MCF2L2: variants seen among roughly 807,000 people sequenced by gnomAD.
The protein encoded by MCF2L2 is MCF.2 cell line derived transforming sequence-like 2.
In MCF2L2, 102 loss-of-function variants were observed where a neutral mutation model predicts 150.2. The ratio of observed to expected loss-of-function variants is 0.68; its 90% CI spans 0.58 to 0.80. MCF2L2 has a LOEUF of 0.80. Ranked by LOEUF, MCF2L2 falls within the 30% of genes least tolerant of loss-of-function variation. The probability of loss-of-function intolerance (pLI) is 0.00; values close to 1 mark genes in which losing one functional copy is unlikely to be tolerated. For missense variants in MCF2L2, 1,256 were observed against 1,372.8 expected (o/e 0.91, Z 1.34); for synonymous variants, 465 against 491.3 (o/e 0.95, Z 0.71).
chr3:183,390,454 C>T (rs1435109587), intron 1 of MCF2L2, among the ~76,000 whole-genome samples: 1 of 152,126 alleles, frequency 6.6e-6, no homozygotes, highest in Admixed American at 6.5e-5. Flanking sequence ...GTTCCTCTAA[C>T]CCTAGAAAGT....
intron 4 of MCF2L2, among the ~76,000 whole-genome samples, chr3:183,339,849 A>G (rs1331752076): frequency 2.6e-5 from 4 of 152,156 alleles, no homozygotes; most frequent in Non-Finnish European, 5.9e-5. Flanking sequence ...ATTTTCAACG[A>G]GCACCTGAAG....
chr3:183,424,817 G>C (rs1313580920), intron 1 of MCF2L2, among the ~76,000 whole-genome samples: 2 of 152,182 alleles, frequency 1.3e-5, no homozygotes, highest in Middle Eastern at 3.2e-3. Flanking sequence ...TATTCCAGGT[G>C]GGGGGTAAAA....
At chr3:183,368,862 A>G (rs1712693794) in intron 3 of MCF2L2, among the ~76,000 whole-genome samples, 1 of 152,222 alleles carries the variant, frequency 6.6e-6, no homozygotes. Context: ...CTGAATGTAC[A>G]TCATTACTAA....
At chr3:183,248,252 G>C (rs1159914648) in intron 15 of MCF2L2, among the ~76,000 whole-genome samples, 1 of 151,862 alleles carries the variant, frequency 6.6e-6, no homozygotes, top group Non-Finnish European at 1.5e-5. Flanking sequence ...TACAACTTTG[G>C]ACCATCTGAC....
chr3:183,393,153 G>C (rs1714256260), intron 1 of MCF2L2, among the ~76,000 whole-genome samples: 1 of 150,506 alleles, frequency 6.6e-6, no homozygotes, highest in Admixed American at 6.6e-5. Flanking sequence ...CTGCTTCTTT[G>C]CCATTTTTGG....
intron 14 of MCF2L2, among the ~76,000 whole-genome samples, chr3:183,282,897 G>A (rs1273681181): frequency 6.6e-6 from 1 of 152,114 alleles, no homozygotes; most frequent in Non-Finnish European, 1.5e-5. Flanking sequence ...CAGCCTCTGG[G>A]GCAGCATTAG....
intron 5 of MCF2L2, among the ~76,000 whole-genome samples, chr3:183,326,525 A>T (rs997124695): frequency 1.3e-5 from 2 of 150,752 alleles, no homozygotes; most frequent in Non-Finnish European, 3.0e-5. Context: ...AACAAAAAAA[A>T]ACCCACAAAC....
rs112807324 is a variant in MCF2L2, at chr3:183,387,264, C to CAA, written c.160+2430_160+2431dup. Among the ~76,000 whole-genome samples the CAA allele has an allele frequency of 5.3e-4, 45 of 84,390 alleles. No individual in the cohort carries two copies. The South Asian group carries it at 0.018, about 33-fold the overall frequency. 55.4% of individuals were successfully genotyped at this position (84,390 alleles called of 152,430 possible). On this transcript the variant is annotated intron_variant, in intron 2 of 29. Transcript: ENST00000328913. ...TGGGCAACATAGCGACACCATGTCT[C>CAA]AAAAAAAAAAAAAAAGCAAAGAAAA...
At chr3:183,417,476 T>TAAA (rs3050283) in intron 1 of MCF2L2, among the ~76,000 whole-genome samples, 15,353 of 152,256 alleles carry the variant, frequency 0.1, 837 homozygotes, top group African/African-American at 0.15. Flanking sequence ...GTTAAAAGAA[T>TAAA]GAAGAAATAT....
rs184379521 is a variant in MCF2L2 at position 183,305,519 on chromosome 3, A to G, written c.1113+4197T>C. 7.0e-4 allele frequency among the ~76,000 whole-genome samples: 107 copies of G among 152,306 alleles called. 1 individual carries two copies. Among genetic ancestry groups the G allele is most frequent in the African/African-American group, 2.5e-3 (105 of 41,562 alleles). On this transcript the variant is annotated intron_variant, in intron 10 of 29. Transcript: ENST00000328913. This position sits in a 1 kb window ranked among gnomAD's most constrained non-coding sequence, Gnocchi z 4.1. ...GAGATGTTAGAGGGAAGATGTGTGTAACAGGTCCAAATGGGTCTAGGGAGA... is the reference window on the plus strand; with the variant it reads ...GAGATGTTAGAGGGAAGATGTGTGTGACAGGTCCAAATGGGTCTAGGGAGA...
At chr3:183,352,249 G>A (rs142282164) in intron 3 of MCF2L2, among the ~76,000 whole-genome samples, 211 of 152,182 alleles carry the variant, frequency 1.4e-3, no homozygotes, top group African/African-American at 4.7e-3. Context: ...GAAGCCGGGC[G>A]TGGTGGCTCA....
chr3:183,417,875 G>C (rs182600451), intron 1 of MCF2L2, among the ~76,000 whole-genome samples: 3 of 152,294 alleles, frequency 2.0e-5, no homozygotes, highest in Admixed American at 2.0e-4. Flanking sequence ...AAGGGAGAGA[G>C]AGGGTGCAGT....
chr3:183,318,791 TGCAATA>T (rs138671598), intron 6 of MCF2L2, among the ~76,000 whole-genome samples: 21,545 of 152,174 alleles, frequency 0.14, 1,671 homozygotes, highest in African/African-American at 0.2. Context: ...CTATTAAGTG[TGCAATA>T]GCATTATGTC....
intron 5 of MCF2L2, among the ~76,000 whole-genome samples, chr3:183,333,650 T>C (rs1315768567): frequency 6.6e-6 from 1 of 152,226 alleles, no homozygotes; most frequent in Non-Finnish European, 1.5e-5. Flanking sequence ...CACTTAAATA[T>C]ACATCTTACA....
chr3:183,179,549 C>A lies in MCF2L2; in HGVS notation c.3221+28G>T. 6.2e-7 allele frequency: 1 copy of A among 1,613,078 alleles called. No homozygotes were observed. The highest frequency in any genetic ancestry group is 1.1e-5 in the South Asian group (1 of 90,998). ...TCAGAGACGCCGTGGCCCAAAGAGG[C>A]GCTTAGTCTTTCCTCGCTCACACTC... On this transcript the variant is annotated intron_variant, in intron 29 of 29. Coordinates refer to ENST00000328913, the MANE Select transcript of MCF2L2 (RefSeq NM_015078.4). This position sits in a 1 kb window ranked among gnomAD's most constrained non-coding sequence, Gnocchi z 4.2.
intron 6 of MCF2L2, among the ~76,000 whole-genome samples, chr3:183,320,853 C>T (rs922082748): frequency 2.0e-5 from 3 of 152,186 alleles, no homozygotes; most frequent in South Asian, 4.1e-4. Flanking sequence ...TAAGCTTAAT[C>T]GTTTCAAGCT....
At chr3:183,187,256 C>A (rs1387244755) in intron 27 of MCF2L2, among the ~76,000 whole-genome samples, 1 of 152,124 alleles carries the variant, frequency 6.6e-6, no homozygotes, top group East Asian at 1.9e-4. Flanking sequence ...CCCTTGGAGA[C>A]CCTGAGGTAC....
At chr3:183,238,242 A>AT (rs539424224) in intron 15 of MCF2L2, among the ~76,000 whole-genome samples, 8,710 of 112,772 alleles carry the variant, frequency 0.077, 672 homozygotes, top group African/African-American at 0.2. Flanking sequence ...TTTTTTTGCG[A>AT]TTTTTTTTTT....
chr3:183,189,219 G>A (rs1277195589), intron 27 of MCF2L2, among the ~76,000 whole-genome samples: 1 of 152,200 alleles, frequency 6.6e-6, no homozygotes, highest in Non-Finnish European at 1.5e-5. Context: ...CCGAGCCCAT[G>A]GTGCAGGCAC....
Sources: allele counts gnomAD v4.1 joint callset (sites outside exome capture counted in the v4.1 genomes callset), GRCh38; gene constraint gnomAD v4.1.1; non-coding constraint Gnocchi (gnomAD v3.1); transcripts MANE v1.5; gene names NCBI Gene and HGNC (gene_info 2026-07-23, HGNC 2026-07-21).